The following C2CD3 variants were observed in gnomAD, a reference collection of about 807,000 sequenced individuals.
C2CD3 encodes C2 domain-containing protein 3.
In C2CD3, 148 loss-of-function variants were observed where a neutral mutation model predicts 234.0. That is an observed-to-expected ratio of 0.63 (90% CI 0.55 to 0.72). The LOEUF (loss-of-function observed/expected upper bound fraction) is 0.72, where lower values mean the gene tolerates loss of function less well. C2CD3 is among the 30% of genes least tolerant of loss of function. The probability of loss-of-function intolerance (pLI) is 0.00; values close to 1 mark genes in which losing one functional copy is unlikely to be tolerated. For missense variants in C2CD3, 2,577 were observed against 2,811.5 expected (o/e 0.92, Z 1.89); for synonymous variants, 1,000 against 1,035.4 (o/e 0.97, Z 0.66).
At chr11:74,145,047 G>T (rs765157287) in intron 3 of C2CD3, among the ~76,000 whole-genome samples, 9 of 151,864 alleles carry the variant, frequency 5.9e-5, no homozygotes, top group African/African-American at 9.7e-5. Context: ...AAATCTTCAG[G>T]TCCAGATCAC....
Position 74,093,939 on chromosome 11 carries a change from T to C in C2CD3, c.3221A>G (p.Asn1074Ser). The stretch of plus-strand genomic sequence containing the variant: ...CAGGAGAGAGTGATGGTGTTCACTA[T>C]TAAAGATGGGATCTGGAACACAGAG... The part of the protein sequence containing the change: ...TTLCVPDPIF[N>S]SEHHHSLLLP... The change falls in exon 18 of 33, where the codon AAT becomes AGT. Residue 1074 changes from asparagine to serine, a missense_variant. By Grantham distance (46) the Asn-to-Ser change is conservative (BLOSUM62 1). Transcript: ENST00000334126. The C allele has an allele frequency of 6.2e-7, 1 of 1,614,080 alleles. No homozygotes were observed. The highest frequency in any genetic ancestry group is 1.1e-5 in the South Asian group (1 of 91,084).
At chr11:74,127,737 C>T in intron 7 of C2CD3, among the ~76,000 whole-genome samples, 1 of 152,102 alleles carries the variant, frequency 6.6e-6, no homozygotes, top group East Asian at 1.9e-4. Context: ...AGCAGTGTAC[C>T]AGGGTTTCAA....
chr11:74,156,372 G>A (rs1159933758), intron 3 of C2CD3, among the ~76,000 whole-genome samples: 1 of 150,308 alleles, frequency 6.7e-6, no homozygotes, highest in Non-Finnish European at 1.5e-5. Flanking sequence ...TGAGGTAGGA[G>A]GATTGCTGGA....
chr11:74,132,738 G>A, intron 7 of C2CD3, 106 bp downstream of exon 7: 3 of 1,038,286 alleles, frequency 2.9e-6, no homozygotes, highest in Non-Finnish European at 4.3e-6. Context: ...GGAAGGGCTT[G>A]GTTAGTCTAA....
intron 24 of C2CD3, among the ~76,000 whole-genome samples, chr11:74,068,213 C>A (rs1591381030): frequency 6.6e-6 from 1 of 152,154 alleles, no homozygotes; most frequent in African/African-American, 2.4e-5. Flanking sequence ...TTTCCTCTGC[C>A]TGATATAGCT....
chr11:74,117,973 A>C (rs1957086645), intron 9 of C2CD3, among the ~76,000 whole-genome samples: 1 of 151,890 alleles, frequency 6.6e-6, no homozygotes, highest in Non-Finnish European at 1.5e-5. Context: ...GGGTGATGGG[A>C]GCACCAAAAT....
chr11:74,153,053 T>C (rs750228657), intron 3 of C2CD3, among the ~76,000 whole-genome samples: 11 of 152,074 alleles, frequency 7.2e-5, no homozygotes, highest in Non-Finnish European at 1.3e-4. Context: ...AGCGAAACCC[T>C]GTCTCTACAA....
chr11:74,112,467 A>G (rs1956781912), intron 11 of C2CD3, among the ~76,000 whole-genome samples: 1 of 152,166 alleles, frequency 6.6e-6, no homozygotes, highest in African/African-American at 2.4e-5. Context: ...GAGTACATAA[A>G]AATTAAAAAC....
intron 11 of C2CD3, chr11:74,113,197 A>C (rs959172064): frequency 3.9e-5 from 6 of 153,640 alleles, no homozygotes; most frequent in African/African-American, 1.4e-4. Context: ...TAGTCACAAA[A>C]ATCACAAGTT....
chr11:74,023,175 T>C (rs1952156918), intron 32 of C2CD3, among the ~76,000 whole-genome samples: 1 of 152,198 alleles, frequency 6.6e-6, no homozygotes, highest in Admixed American at 6.5e-5. Context: ...GAGTGAAAGA[T>C]CAGGTCTTGT....
At chr11:74,081,936 G>A (rs907991064) in intron 22 of C2CD3, among the ~76,000 whole-genome samples, 4 of 152,024 alleles carry the variant, frequency 2.6e-5, no homozygotes, top group African/African-American at 9.7e-5. Flanking sequence ...CTGCAAACAG[G>A]GACAATTTGA....
chr11:74,087,334 T>C (rs1030130720), intron 20 of C2CD3, among the ~76,000 whole-genome samples: 5 of 151,870 alleles, frequency 3.3e-5, no homozygotes, highest in Non-Finnish European at 5.9e-5. Context: ...GAGGCTGAGG[T>C]GGACGGATCA....
chr11:74,144,652 G>A (rs1590930313), intron 3 of C2CD3, among the ~76,000 whole-genome samples: 2 of 152,162 alleles, frequency 1.3e-5, no homozygotes. Flanking sequence ...CTCTATTTCT[G>A]TTCTTCTGTT....
chr11:74,050,421 T>A (rs554689290), intron 26 of C2CD3, among the ~76,000 whole-genome samples: 84 of 152,376 alleles, frequency 5.5e-4, no homozygotes, highest in African/African-American at 1.9e-3. Context: ...CAAGCTACCA[T>A]GCAATGACCT....
At chr11:74,145,648 T>C (rs1354220880) in intron 3 of C2CD3, among the ~76,000 whole-genome samples, 1 of 152,186 alleles carries the variant, frequency 6.6e-6, no homozygotes, top group African/African-American at 2.4e-5. Flanking sequence ...AAAATGGCAT[T>C]TCCTAGGTTC....
intron 22 of C2CD3, among the ~76,000 whole-genome samples, chr11:74,080,906 C>T (rs1466389221): frequency 6.6e-6 from 1 of 152,118 alleles, no homozygotes. Flanking sequence ...GATGAAGTAA[C>T]TTTCTTTAGA....
intron 26 of C2CD3, among the ~76,000 whole-genome samples, chr11:74,054,043 C>A (rs112631301): frequency 0.018 from 2,699 of 152,096 alleles, 77 homozygotes; most frequent in African/African-American, 0.061. Context: ...GAGGCCGAGG[C>A]GGGTGGATCA....
chr11:74,066,227 C>T (rs1251277028), intron 24 of C2CD3, among the ~76,000 whole-genome samples: 1 of 98,008 alleles, frequency 1.0e-5, no homozygotes, highest in Non-Finnish European at 1.9e-5. Context: ...TGTTCTCACT[C>T]ATAGGTGGGA....
intron 9 of C2CD3, among the ~76,000 whole-genome samples, chr11:74,117,691 A>G (rs1220703345): frequency 6.6e-6 from 1 of 152,034 alleles, no homozygotes; most frequent in East Asian, 1.9e-4. Context: ...AGGTGGGCGG[A>G]TCACCTGAGG....
Sources: gnomAD v4.1 joint callset for allele counts (sites outside exome capture counted in the v4.1 genomes callset) on GRCh38, gnomAD v4.1.1 for gene constraint, MANE v1.5 for transcripts, NCBI Gene and HGNC (gene_info 2026-07-23, HGNC 2026-07-21) for gene names.